TMEM25: variants seen among roughly 807,000 people sequenced by gnomAD.
The protein encoded by TMEM25 is 0610039J01Rik.
In TMEM25, 36 loss-of-function variants were observed where a neutral mutation model predicts 37.0. The ratio of observed to expected loss-of-function variants is 0.97; its 90% CI spans 0.75 to 1.28. The LOEUF is 1.28. Among genes scored for constraint, TMEM25 ranks in the 50% most tolerant of loss-of-function variants. TMEM25 has a pLI of 0.00. For synonymous variants in TMEM25, 197 were observed against 203.7 expected (o/e 0.97, Z 0.28); for missense variants, 444 against 477.9 (o/e 0.93, Z 0.66).
At position 118,542,106 on chromosome 11, in the gene TMEM25, C is replaced by T. The variant is rs148673128; in HGVS notation, c.1028-4013C>T. Among the ~76,000 whole-genome samples the T allele has an allele frequency of 3.1e-4, 47 of 152,220 alleles. 1 individual carries two copies. The highest frequency in any genetic ancestry group is 1.2e-4 in the Non-Finnish European group (8 of 67,994). The stretch of plus-strand genomic sequence containing the variant: ...AACATGCACTGTTTGGTTTTTTGTT[C>T]CTGCGTTAATTCGCTTAGAATTCTG... On this transcript the variant is annotated intron_variant, in intron 8 of 8. Transcript: ENST00000354284.
Position 118,546,372 on chromosome 11 carries a change from T to A in TMEM25, c.*225T>A, listed in dbSNP as rs1158948577. On this transcript the variant is annotated 3_prime_UTR_variant, in exon 9 of 9. Transcript: ENST00000354284. The stretch of plus-strand genomic sequence containing the variant: ...CGGGTGTGGTGTTGAGTATCTGTAG[T>A]CCCAGCTACTTGGGAGGCTGGGGTG... 4 of 519,400 alleles carry A rather than the reference T, an allele frequency of 7.7e-6. No individual in the cohort carries two copies. The African/African-American group carries it at 7.7e-5, about 10-fold the overall frequency. The allele number at this position is 519,400 out of a possible 1,614,324, so 32.2% of individuals were successfully genotyped here. A position where few individuals can be genotyped will look rare whatever the true frequency, so the allele number is the denominator to read the frequency against.
downstream of TMEM25, among the ~76,000 whole-genome samples, chr11:118,540,622 G>C (rs927970840): frequency 6.6e-5 from 10 of 152,198 alleles, no homozygotes; most frequent in East Asian, 1.9e-4. Context: ...TATTCAGTAG[G>C]GGGTGGACTG....
At chr11:118,532,492 G>T in intron 3 of TMEM25, 31 bp downstream of exon 3, 1 of 1,578,500 alleles carries the variant, frequency 6.3e-7, no homozygotes, top group Non-Finnish European at 8.6e-7. Flanking sequence ...CAGGGAGATA[G>T]GTTCTTTGCC....
At position 118,534,094 on chromosome 11, in the gene TMEM25, A is replaced by G; in HGVS notation, c.902A>G (p.Asn301Ser). The G allele has an allele frequency of 6.2e-7, 1 of 1,614,040 alleles. No homozygotes were observed. Among genetic ancestry groups the G allele is most frequent in the Non-Finnish European group, 8.5e-7 (1 of 1,179,990 alleles). ...CGGGAGAACATGTCCCTCCCGTCCA[A>G]CCTTCAGCTCAATGACCTCACTCCA... ...LPRENMSLPS[N>S]LQLNDLTPDS... Residue 301 changes from asparagine (N) to serine (S), a missense_variant, in exon 7 of 9, where the codon AAC becomes AGC. Transcript: ENST00000313236. This position sits in a 1 kb window ranked among gnomAD's most constrained non-coding sequence, Gnocchi z 4.6.
In TMEM25 at chr11:118,542,571, C is replaced by A. The variant is rs573063739; in HGVS notation, c.1028-3548C>A. On this transcript the variant is annotated intron_variant, in intron 8 of 8. Transcript: ENST00000354284. The stretch of plus-strand genomic sequence containing the variant: ...ATGAGTTGAGGCCAGGAGTTGGAGA[C>A]CAGCCCGGGCAACATAACAAGAACT... Among the ~76,000 whole-genome samples, 23 of 151,300 alleles carry A rather than the reference C, an allele frequency of 1.5e-4. 1 individual carries two copies. In the South Asian group the frequency reaches 4.6e-3, roughly 30 times the overall value.
At chr11:118,541,784 G>C (rs149496217) in intron 8 of TMEM25, among the ~76,000 whole-genome samples, 1 of 151,866 alleles carries the variant, frequency 6.6e-6, no homozygotes. Context: ...TTAAGACAGG[G>C]TCTCATTCTG....
In TMEM25 at chr11:118,532,164, G is replaced by A; in HGVS notation, c.85G>A (p.Glu29Lys). 2.5e-6 allele frequency: 4 copies of A among 1,569,944 alleles called. No individual in the cohort carries two copies. The highest frequency in any genetic ancestry group is 3.5e-6 in the Non-Finnish European group (4 of 1,155,994). The change falls in exon 3 of 9, where the codon GAG becomes AAG. Residue 29 changes from glutamate (E) to lysine (K), a missense_variant. Transcript: ENST00000313236. ...ALLSSGWGEL[E>K]PQIDGQTWAE... ...CTGTGTTCCAGGTTGGGGGGAGTTGGAGCCACAAATAGATGGTCAGACCTG... is the reference window on the plus strand; with the variant it reads ...CTGTGTTCCAGGTTGGGGGGAGTTGAAGCCACAAATAGATGGTCAGACCTG...
At chr11:118,540,390 A>AT (rs1256488917), downstream of TMEM25, among the ~76,000 whole-genome samples, 6 of 152,222 alleles carry the variant, frequency 3.9e-5, no homozygotes, top group African/African-American at 1.4e-4. Flanking sequence ...GCCTCTACTG[A>AT]TTTTGCGTGT....
At chr11:118,544,706 A>C in intron 8 of TMEM25, 2 of 518,654 alleles carry the variant, frequency 3.9e-6, no homozygotes, top group South Asian at 2.7e-5. Flanking sequence ...GTGTAGATGC[A>C]TTAACTCCCC....
intron 1 of TMEM25, 144 bp from the exon 2 acceptor site, chr11:118,531,631 C>A (rs1453912241): frequency 1.5e-6 from 1 of 652,982 alleles, no homozygotes; most frequent in Non-Finnish European, 2.6e-6. Flanking sequence ...CTTTGCCGTT[C>A]GTGTCCGTGC....
chr11:118,541,236 G>T (rs1277437922), intron 8 of TMEM25, among the ~76,000 whole-genome samples: 2 of 152,098 alleles, frequency 1.3e-5, no homozygotes, highest in Non-Finnish European at 2.9e-5. Context: ...GCCAAGGCGG[G>T]CGGATCATGA....
chr11:118,535,010 T>G lies in TMEM25; in HGVS notation c.*430T>G, dbSNP rs1380626701. The G allele has an allele frequency of 2.9e-6, 3 of 1,046,152 alleles. No homozygotes were observed. The highest frequency in any genetic ancestry group is 3.5e-6 in the Non-Finnish European group (3 of 867,844). 64.8% of individuals were successfully genotyped at this position (1,046,152 alleles called of 1,614,324 possible). A position where few individuals can be genotyped will look rare whatever the true frequency, so the allele number is the denominator to read the frequency against. On this transcript the variant is annotated 3_prime_UTR_variant, in exon 9 of 9. Coordinates refer to ENST00000313236, the MANE Select transcript of TMEM25 (RefSeq NM_032780.4). ...GGGACAGGGAGGGCCCTGCATGGAT[T>G]TTCCTCCTTCCTATGCTATGTAGCC...
rs1555061124 is a variant in TMEM25, at chr11:118,533,636, C to T, written c.805+85C>T. On this transcript the variant is annotated intron_variant, in intron 5 of 8. Coordinates refer to ENST00000313236, the MANE Select transcript of TMEM25 (RefSeq NM_032780.4). ...GCAAGTGCAGCTGGGCAGAACCAGT[C>T]ATCTCTGACGGTGGCAGAGCACTTC... 6 of 1,606,668 alleles carry T rather than the reference C, an allele frequency of 3.7e-6. No individual in the cohort carries two copies. The South Asian group carries it at 6.7e-5, about 18-fold the overall frequency.
downstream of TMEM25, among the ~76,000 whole-genome samples, chr11:118,540,758 A>G (rs782502273): frequency 2.0e-5 from 3 of 152,212 alleles, no homozygotes; most frequent in African/African-American, 4.8e-5. Context: ...GAAGACACAG[A>G]TAAGAGACTC....
At chr11:118,546,484 T>C (rs1325310513) in exon 9 of TMEM25, 2 of 228,388 alleles carry the variant, frequency 8.8e-6, no homozygotes, top group South Asian at 9.3e-5. Context: ...AGTAATACCC[T>C]GTAAAAAAAA....
chr11:118,537,050 AT>A (rs1555063726), downstream of TMEM25, among the ~76,000 whole-genome samples: 1 of 151,984 alleles, frequency 6.6e-6, no homozygotes, highest in African/African-American at 2.4e-5. Flanking sequence ...AATTAAAAAA[AT>A]TTGGAGGGGG....
rs782045503 is a variant in TMEM25 at position 118,532,282 on chromosome 11, AT to A, written c.204del (p.Asp68GlufsTer13). On this transcript the variant is annotated frameshift_variant, in exon 3 of 9. Transcript: ENST00000313236. LOFTEE classifies it high-confidence loss of function. ...ACCCCCAGATTGGCCTGGTATCTGGATGGACAGCTGCAGGAGGCCAGCACCT... is the reference window on the plus strand; with the variant it reads ...ACCCCCAGATTGGCCTGGTATCTGGAGGACAGCTGCAGGAGGCCAGCACCT... ...PGTPRLAWYL[D>X]GQLQEASTSR... 6.8e-6 allele frequency: 11 copies of A among 1,614,128 alleles called. No homozygotes were observed. The highest frequency in any genetic ancestry group is 9.3e-6 in the Non-Finnish European group (11 of 1,179,998).
At position 118,533,128 on chromosome 11, in the gene TMEM25, G is replaced by T; in HGVS notation, c.594G>T (p.Gln198His). 1 of 1,612,412 alleles carries T rather than the reference G, an allele frequency of 6.2e-7. No individual in the cohort carries two copies. Among genetic ancestry groups the T allele is most frequent in the Non-Finnish European group, 8.5e-7 (1 of 1,179,984 alleles). ...PWLTNHTVQL[Q>H]LRSLAHNLSV... ...TCACCAACCACACGGTGCAGCTGCA[G>T]CTCCGCAGCCTGGCACACAACCTCT... The change falls in exon 4 of 9, where the codon CAG (glutamine) becomes CAT (histidine). Residue 198 changes from glutamine to histidine, a missense_variant. Transcript: ENST00000313236.
chr11:118,542,289 C>A (rs147878153), intron 8 of TMEM25, among the ~76,000 whole-genome samples: 154 of 152,208 alleles, frequency 1.0e-3, no homozygotes, highest in African/African-American at 3.7e-3. Flanking sequence ...AGTCCCACTC[C>A]CATGATAAGC....
Sources: gnomAD v4.1 joint callset for allele counts (sites outside exome capture counted in the v4.1 genomes callset) on GRCh38, gnomAD v4.1.1 for gene constraint, Gnocchi (gnomAD v3.1) non-coding constraint, MANE v1.5 for transcripts, NCBI Gene and HGNC (gene_info 2026-07-23, HGNC 2026-07-21) for gene names.